FER1L6: variants seen among roughly 807,000 people sequenced by gnomAD.
The protein encoded by FER1L6 is fer-1-like protein 6.
In FER1L6, 177 loss-of-function variants were observed where a neutral mutation model predicts 219.2. The ratio of observed to expected loss-of-function variants is 0.81; its 90% confidence interval spans 0.71 to 0.91. FER1L6 has a LOEUF of 0.91. FER1L6 is among the 40% of genes least tolerant of loss of function. The pLI, the probability that FER1L6 is intolerant of heterozygous loss-of-function variation, is 0.00. For missense variants in FER1L6, 2,153 were observed against 2,259.9 expected (o/e 0.95, Z 0.96); for synonymous variants, 768 against 824.3 (o/e 0.93, Z 1.17).
rs556679094 is a variant in FER1L6 at position 123,995,321 on chromosome 8, G to A, written c.1520-7846G>A. ...GGGGTCCTGGACTTTTCTTTGTGAGGAGACTTTTTATTATGATTTTGATCA... is the reference window on the plus strand; with the variant it reads ...GGGGTCCTGGACTTTTCTTTGTGAGAAGACTTTTTATTATGATTTTGATCA... On this transcript the variant is annotated intron_variant, in intron 12 of 40. Transcript: ENST00000522917. Among the ~76,000 whole-genome samples the A allele has an allele frequency of 9.8e-5, 15 of 152,300 alleles. 1 individual carries two copies. The South Asian group carries it at 3.1e-3, about 32-fold the overall frequency.
In FER1L6 at chr8:123,858,700, CAT is replaced by C. The variant is rs369383349; in HGVS notation, c.-8+6516_-8+6517del. 2.8e-4 allele frequency among the ~76,000 whole-genome samples: 43 copies of C among 152,344 alleles called. No individual in the cohort carries two copies. In the East Asian group the frequency reaches 3.9e-3, roughly 14 times the overall value. ...ACTAACTGCAAGGGAGACTGGGAAA[CAT>C]GACTCACTAGACGACCAGGAAGAAG... is the stretch of plus-strand genomic sequence containing the variant. On this transcript the variant is annotated intron_variant, in intron 1 of 40. Coordinates refer to ENST00000522917, the MANE Select transcript of FER1L6 (RefSeq NM_001039112.2).
chr8:123,902,270 A>G (rs1812873417), intron 1 of FER1L6, among the ~76,000 whole-genome samples: 1 of 152,150 alleles, frequency 6.6e-6, no homozygotes, highest in African/African-American at 2.4e-5. Context: ...GTTGAATAGA[A>G]TGTGTATTCT....
chr8:123,975,060 A>T, intron 7 of FER1L6, 90 bp from the exon 8 acceptor site: 2 of 1,204,126 alleles, frequency 1.7e-6, no homozygotes, highest in Non-Finnish European at 2.2e-6. Flanking sequence ...GAGGGAGGAG[A>T]GCCTGGGAGG....
chr8:123,973,382 C>A, intron 6 of FER1L6, 52 bp from the exon 7 acceptor site: 1 of 1,420,342 alleles, frequency 7.0e-7, no homozygotes, highest in Non-Finnish European at 1.0e-6. Context: ...AGGGTCAAGG[C>A]CTCTTATCCT....
chr8:124,109,777 G>C (rs1047673707), intron 39 of FER1L6, among the ~76,000 whole-genome samples: 1 of 152,206 alleles, frequency 6.6e-6, no homozygotes. Context: ...AGATGAATAG[G>C]ATGCAACTCT....
intron 1 of FER1L6, among the ~76,000 whole-genome samples, chr8:123,879,122 G>C (rs890352938): frequency 6.6e-6 from 1 of 152,036 alleles, no homozygotes; most frequent in Non-Finnish European, 1.5e-5. Flanking sequence ...ACACAGCAAG[G>C]CTCCATCTCT....
intron 1 of FER1L6, among the ~76,000 whole-genome samples, chr8:123,898,756 TAC>T (rs1203323938): frequency 2.8e-5 from 4 of 141,578 alleles, no homozygotes; most frequent in African/African-American, 7.6e-5. Flanking sequence ...ATACTATATA[TAC>T]ACATATATAT....
rs749208767 is a variant in FER1L6, at chr8:123,980,735, A to G, written c.1334A>G (p.Asp445Gly). Residue 445 changes from aspartate (D) to glycine (G), a missense_variant, in exon 11 of 41, where the codon GAT (aspartate) becomes GGT (glycine). Asp to Gly is a moderately conservative substitution (Grantham distance 94). Transcript: ENST00000522917. Reference sequence around the variant, plus strand: ...AAAGACAAGGCTGACAAAACTGAAGATGGAAAATCCCAACAGGCTTCAAAC... The same window carrying G: ...AAAGACAAGGCTGACAAAACTGAAGGTGGAAAATCCCAACAGGCTTCAAAC... ...KGKDKADKTE[D>G]GKSQQASNKT... 1.9e-6 allele frequency: 3 copies of G among 1,614,154 alleles called. No homozygotes were observed. The highest frequency in any genetic ancestry group is 1.6e-4 in the Middle Eastern group (1 of 6,062).
chr8:123,970,300 G>C (rs956705406), intron 6 of FER1L6, among the ~76,000 whole-genome samples: 2 of 152,198 alleles, frequency 1.3e-5, no homozygotes, highest in African/African-American at 4.8e-5. Context: ...GAAGATCTAT[G>C]CTTCTTGGAA....
chr8:123,864,719 A>C (rs1816802766), intron 1 of FER1L6, among the ~76,000 whole-genome samples: 1 of 148,550 alleles, frequency 6.7e-6, no homozygotes, highest in South Asian at 2.1e-4. Flanking sequence ...TTCTCGCTTC[A>C]TTTCATTCAT....
chr8:123,885,406 G>T (rs1057385412), intron 1 of FER1L6, among the ~76,000 whole-genome samples: 1 of 152,122 alleles, frequency 6.6e-6, no homozygotes, highest in Non-Finnish European at 1.5e-5. Flanking sequence ...GTGAGCTGTT[G>T]CTTCAGAAAT....
chr8:123,910,722 G>C (rs1813035541), intron 1 of FER1L6, among the ~76,000 whole-genome samples: 1 of 152,104 alleles, frequency 6.6e-6, no homozygotes, highest in Non-Finnish European at 1.5e-5. Context: ...AACTGATTAA[G>C]TTAGATGGCA....
chr8:123,852,026 A>G lies in FER1L6; in HGVS notation c.-167A>G, dbSNP rs1192794707. 1 of 152,110 alleles carries G rather than the reference A, an allele frequency of 6.6e-6. No homozygotes were observed. Among genetic ancestry groups the G allele is most frequent in the East Asian group, 1.9e-4 (1 of 5,194 alleles). The allele number at this position is 152,110 out of a possible 1,614,324, so 9.4% of individuals were successfully genotyped here. The stretch of plus-strand genomic sequence containing the variant: ...GTAACTGACTTCAAAAGGCCATTCC[A>G]CCATTCCGTCAAGCCAGCTGCTTTA... On this transcript the variant is annotated 5_prime_UTR_variant, in exon 1 of 41. Coordinates refer to ENST00000522917, the MANE Select transcript of FER1L6 (RefSeq NM_001039112.2). This position sits in a 1 kb window ranked among gnomAD's most constrained non-coding sequence, Gnocchi z 4.9.
At chr8:124,017,430 G>A (rs1191114183) in intron 15 of FER1L6, among the ~76,000 whole-genome samples, 198 bp from the exon 16 acceptor site, 5 of 152,184 alleles carry the variant, frequency 3.3e-5, no homozygotes, top group African/African-American at 1.2e-4. Context: ...CTAATGTTGG[G>A]TCTGGGCATC....
At chr8:124,032,245 T>G (rs570760474) in intron 18 of FER1L6, among the ~76,000 whole-genome samples, 2 of 135,990 alleles carry the variant, frequency 1.5e-5, no homozygotes, top group Admixed American at 7.5e-5. Context: ...GCCAACATGG[T>G]GAAACCCTAT....
Position 123,955,992 on chromosome 8 carries a change from A to C in FER1L6, c.-7A>C. On this transcript the variant is annotated splice_region_variant and 5_prime_UTR_variant, in exon 2 of 41. Transcript: ENST00000522917. ...GTTTCTTTTTTTTTCTTCTTTTCAGAAAGGGGATGTTTGGGCTGAAGGTGA... is the reference window on the plus strand; with the variant it reads ...GTTTCTTTTTTTTTCTTCTTTTCAGCAAGGGGATGTTTGGGCTGAAGGTGA... 1 of 1,608,590 alleles carries C rather than the reference A, an allele frequency of 6.2e-7. No homozygotes were observed. Among genetic ancestry groups the C allele is most frequent in the Non-Finnish European group, 8.5e-7 (1 of 1,177,696 alleles).
At chr8:124,080,869 A>G (rs1318617252) in intron 32 of FER1L6, among the ~76,000 whole-genome samples, 1 of 152,190 alleles carries the variant, frequency 6.6e-6, no homozygotes, top group Non-Finnish European at 1.5e-5. Flanking sequence ...GAGCTCAGGC[A>G]GGAAATACTA....
intron 15 of FER1L6, among the ~76,000 whole-genome samples, chr8:124,015,570 G>GAT (rs1818149319): frequency 7.2e-5 from 2 of 27,816 alleles, no homozygotes. Context: ...CATTATAAAA[G>GAT]CTATATATAT....
chr8:124,118,470 G>T (rs750020965), intron 39 of FER1L6, among the ~76,000 whole-genome samples: 5 of 152,208 alleles, frequency 3.3e-5, no homozygotes, highest in Non-Finnish European at 5.9e-5. Context: ...TGACAGAGAA[G>T]ACAGACTGTA....
Sources: allele counts gnomAD v4.1 joint callset (sites outside exome capture counted in the v4.1 genomes callset), GRCh38; gene constraint gnomAD v4.1.1; non-coding constraint Gnocchi (gnomAD v3.1); transcripts MANE v1.5; gene names NCBI Gene and HGNC (gene_info 2026-07-23, HGNC 2026-07-21).